DIAPH2: variants seen among roughly 807,000 people sequenced by gnomAD.
DIAPH2 encodes the protein protein diaphanous homolog 2.
Under a neutral mutation model 92.7 loss-of-function variants are expected in DIAPH2, and 35 were observed. The ratio of observed to expected loss-of-function variants is 0.38; its 90% confidence interval spans 0.29 to 0.50. The LOEUF is 0.50. Among genes scored for constraint, DIAPH2 ranks in the 20% least tolerant of loss-of-function variants. DIAPH2 has a pLI of 0.94. For missense variants in DIAPH2, 701 were observed against 819.5 expected, an observed-to-expected ratio of 0.86 and a Z score of 1.77; for synonymous variants, 301 against 280.4, an observed-to-expected ratio of 1.07 and a Z score of -0.73.
chrX:97,204,137 A>T (rs2067776445), intron 22 of DIAPH2, among the ~76,000 whole-genome samples: 1 of 112,210 alleles, frequency 8.9e-6, no homozygotes, highest in African/African-American at 3.2e-5. Flanking sequence ...TCATGTTAAA[A>T]ACTCTCAATA....
chrX:97,376,355 C>T (rs1274005195), intron 24 of DIAPH2, among the ~76,000 whole-genome samples: 1 of 111,841 alleles, frequency 8.9e-6, no homozygotes, highest in Non-Finnish European at 1.9e-5. Flanking sequence ...CACAGAAAGA[C>T]GAGTCCTATT....
chrX:97,194,245 C>G (rs2067678728), intron 22 of DIAPH2, among the ~76,000 whole-genome samples: 1 of 110,113 alleles, frequency 9.1e-6, no homozygotes, highest in Admixed American at 9.8e-5. Flanking sequence ...TGGTATGATT[C>G]TTAGTAAAAC....
At chrX:97,161,643 C>T (rs908899340) in intron 22 of DIAPH2, among the ~76,000 whole-genome samples, 10 of 111,152 alleles carry the variant, frequency 9.0e-5, no homozygotes, top group Admixed American at 6.7e-4. Flanking sequence ...TAGATTCATG[C>T]GTTAAGGCTG....
In DIAPH2 at chrX:97,292,548, AT is replaced by A. The variant is rs770697641; in HGVS notation, c.2844+44726del. 4.4e-3 allele frequency among the ~76,000 whole-genome samples: 418 copies of A among 94,533 alleles called. 1 individual carries two copies. The highest frequency in any genetic ancestry group is 0.012 in the African/African-American group (320 of 25,780). 82.1% of individuals were successfully genotyped at this position (94,533 alleles called of 115,157 possible). A position where few individuals can be genotyped will look rare whatever the true frequency, so the allele number is the denominator to read the frequency against. On this transcript the variant is annotated intron_variant, in intron 23 of 26. Coordinates refer to ENST00000324765, the MANE Select transcript of DIAPH2 (RefSeq NM_006729.5). The stretch of plus-strand genomic sequence containing the variant: ...AACCTATGTGCCAATTTAATACCCA[AT>A]TTTTTTTTTTTTTTTTGAGACGGAG...
intron 23 of DIAPH2, among the ~76,000 whole-genome samples, chrX:97,326,791 G>T (rs1407790092): frequency 8.9e-6 from 1 of 112,262 alleles, no homozygotes; most frequent in Non-Finnish European, 1.9e-5. Context: ...TTCACTCATG[G>T]CCTGCCATGG....
chrX:96,835,211 G>A (rs893333955), intron 4 of DIAPH2, among the ~76,000 whole-genome samples: 22 of 111,764 alleles, frequency 2.0e-4, no homozygotes, highest in African/African-American at 6.8e-4. Flanking sequence ...CAAACACAGG[G>A]CATGTCCTCA....
At chrX:97,015,040 C>A (rs1455725858) in intron 17 of DIAPH2, among the ~76,000 whole-genome samples, 3 of 111,489 alleles carry the variant, frequency 2.7e-5, no homozygotes, top group African/African-American at 9.8e-5. Flanking sequence ...ATCCTTAAAG[C>A]AGTTGCTTTT....
intron 22 of DIAPH2, among the ~76,000 whole-genome samples, chrX:97,225,217 C>T (rs151000027): frequency 0.013 from 1,476 of 111,138 alleles, 27 homozygotes; most frequent in African/African-American, 0.046. Context: ...ATTAGGTGTG[C>T]GTAAACAAAC....
Position 96,965,197 on chromosome X carries a change from T to C in DIAPH2, c.2040T>C (p.Thr680=), listed in dbSNP as rs916061578. 8.5e-7 allele frequency: 1 copy of C among 1,176,419 alleles called. No homozygotes were observed. Among genetic ancestry groups the C allele is most frequent in the Non-Finnish European group, 1.1e-6 (1 of 875,437 alleles). Residue 680 remains threonine, a synonymous_variant, in exon 17 of 27, where the codon ACT becomes ACC. Transcript: ENST00000324765. ...LFAKLALNFA[T]QIKVQKNAEA... ...CCAAATTGGCATTGAATTTTGCTACTCAGATAAAAGGTACATTTTTAAAAA... is the reference window on the plus strand; with the variant it reads ...CCAAATTGGCATTGAATTTTGCTACCCAGATAAAAGGTACATTTTTAAAAA...
Position 97,208,648 on chromosome X carries a change from G to T in DIAPH2, c.2720-39067G>T, listed in dbSNP as rs2067816495. Among the ~76,000 whole-genome samples, 3 of 111,695 alleles carry T rather than the reference G, an allele frequency of 2.7e-5. No individual in the cohort carries two copies. The East Asian group carries it at 8.4e-4, about 31-fold the overall frequency. On this transcript the variant is annotated intron_variant, in intron 22 of 26. Coordinates refer to ENST00000324765, the MANE Select transcript of DIAPH2 (RefSeq NM_006729.5). ...ATATATATTTAGAAAGGAATGTATA[G>T]ACTTTCTGGGTGTTTTGAGATAATA... is the stretch of plus-strand genomic sequence containing the variant.
chrX:97,438,443 G>A (rs944839773), intron 26 of DIAPH2, among the ~76,000 whole-genome samples: 3 of 93,137 alleles, frequency 3.2e-5, no homozygotes, highest in African/African-American at 4.2e-5. Context: ...ACCACTCCCT[G>A]CAGCCTCAAA....
chrX:97,468,461 C>G (rs1465166564), intron 26 of DIAPH2, among the ~76,000 whole-genome samples: 1 of 111,190 alleles, frequency 9.0e-6, no homozygotes, highest in African/African-American at 3.3e-5. Flanking sequence ...TACATATGGC[C>G]TTTACCGCCC....
chrX:96,886,586 A>G (rs1423457148), intron 5 of DIAPH2, among the ~76,000 whole-genome samples: 4 of 111,581 alleles, frequency 3.6e-5, no homozygotes, highest in Non-Finnish European at 7.5e-5. Context: ...ATAACATACT[A>G]TAAACCTGTT....
intron 24 of DIAPH2, among the ~76,000 whole-genome samples, chrX:97,361,823 C>T (rs1467885976): frequency 2.7e-5 from 3 of 111,721 alleles, no homozygotes; most frequent in Non-Finnish European, 3.8e-5. Context: ...TTTCCAGCAG[C>T]TCCTGGGCAG....
intron 26 of DIAPH2, among the ~76,000 whole-genome samples, chrX:97,537,217 C>CAT (rs776046145): frequency 9.0e-6 from 1 of 111,454 alleles, no homozygotes; most frequent in South Asian, 3.8e-4. Context: ...GATGGAAAAG[C>CAT]ATGCAATGTT....
intron 22 of DIAPH2, among the ~76,000 whole-genome samples, chrX:97,179,048 G>A (rs2067517608): frequency 9.0e-6 from 1 of 111,126 alleles, no homozygotes; most frequent in South Asian, 3.8e-4. Context: ...TACAAATTAC[G>A]CAGTCTGTGG....
At chrX:97,313,840 A>G (rs1177485774) in intron 23 of DIAPH2, among the ~76,000 whole-genome samples, 2 of 109,869 alleles carry the variant, frequency 1.8e-5, no homozygotes, top group Admixed American at 9.9e-5. Context: ...GGTTTTCACC[A>G]TGTTGGCTAG....
At chrX:96,845,095 G>A (rs1483179424) in intron 4 of DIAPH2, among the ~76,000 whole-genome samples, 1 of 111,876 alleles carries the variant, frequency 8.9e-6, no homozygotes, top group Middle Eastern at 4.2e-3. Flanking sequence ...CTTATAGAAA[G>A]ATTTTGTCTT....
intron 23 of DIAPH2, 88 bp downstream of exon 23, chrX:97,247,927 TA>T: frequency 2.3e-6 from 2 of 855,637 alleles, no homozygotes; most frequent in Non-Finnish European, 3.2e-6. Flanking sequence ...CTAGATTTAC[TA>T]GTCTTTTCAC....
Sources: allele counts gnomAD v4.1 joint callset (sites outside exome capture counted in the v4.1 genomes callset), GRCh38; gene constraint gnomAD v4.1.1; transcripts MANE v1.5; gene names NCBI Gene and HGNC (gene_info 2026-07-23, HGNC 2026-07-21).